The following LRTM1 variants were observed in gnomAD, a reference collection of about 807,000 sequenced individuals.
LRTM1 encodes the protein leucine rich repeat transmembrane protein 1.
In LRTM1, 38 loss-of-function variants were observed where a neutral mutation model predicts 32.4. That is an observed-to-expected ratio of 1.17 (90% CI 0.91 to 1.54). The LOEUF (loss-of-function observed/expected upper bound fraction) is 1.54, where lower values mean the gene tolerates loss of function less well. Ranked by LOEUF, LRTM1 falls within the 40% of genes most tolerant of loss-of-function variation. The pLI is 0.00. For synonymous variants in LRTM1, 186 were observed against 169.9 expected, an observed-to-expected ratio of 1.09 and a Z score of -0.74; for missense variants, 466 against 415.4, an observed-to-expected ratio of 1.12 and a Z score of -1.06.
intron 1 of LRTM1, among the ~76,000 whole-genome samples, chr3:54,937,795 G>T (rs1701367715): frequency 1.3e-5 from 2 of 152,100 alleles, no homozygotes; most frequent in African/African-American, 2.4e-5. Context: ...AGATGGCACA[G>T]CATCTTAGGG....
At chr3:54,924,594 G>T in intron 2 of LRTM1, 25 bp downstream of exon 2, 1 of 1,552,088 alleles carries the variant, frequency 6.4e-7, no homozygotes, top group African/African-American at 1.4e-5. Context: ...ACACAGATGG[G>T]GGGTTCCAAA....
chr3:54,919,663 C>G (rs990117771), intron 2 of LRTM1, among the ~76,000 whole-genome samples: 1 of 152,186 alleles, frequency 6.6e-6, no homozygotes, highest in African/African-American at 2.4e-5. Flanking sequence ...AGACTGAAGT[C>G]TAGTCTAGTG....
chr3:54,964,040 C>T (rs1373533866), intron 1 of LRTM1, among the ~76,000 whole-genome samples: 2 of 152,166 alleles, frequency 1.3e-5, no homozygotes, highest in Non-Finnish European at 2.9e-5. Context: ...GAATATTTCA[C>T]ATGAAAGGAT....
intron 1 of LRTM1, among the ~76,000 whole-genome samples, chr3:54,955,099 G>A (rs1388162846): frequency 2.0e-5 from 3 of 152,112 alleles, no homozygotes; most frequent in Admixed American, 6.6e-5. Context: ...AAAATTATTC[G>A]AACGTACGTA....
chr3:54,929,482 C>A (rs1410959497), upstream of LRTM1, among the ~76,000 whole-genome samples: 1 of 152,272 alleles, frequency 6.6e-6, no homozygotes, highest in South Asian at 2.1e-4. Context: ...TTGAAAACAT[C>A]AAATTTTGAT....
chr3:54,934,517 C>T (rs1701281961), intron 1 of LRTM1, among the ~76,000 whole-genome samples: 1 of 152,104 alleles, frequency 6.6e-6, no homozygotes, highest in Admixed American at 6.5e-5. Flanking sequence ...TTTAGCAGGC[C>T]TTGAGTTGCC....
intron 1 of LRTM1, among the ~76,000 whole-genome samples, chr3:54,946,247 C>T (rs1047636309): frequency 2.6e-5 from 4 of 152,260 alleles, no homozygotes; most frequent in Middle Eastern, 3.4e-3. Context: ...GGTTAAAAAC[C>T]ATTTCTCCCC....
chr3:54,942,456 T>C (rs557389623), intron 1 of LRTM1, among the ~76,000 whole-genome samples: 8 of 152,350 alleles, frequency 5.3e-5, no homozygotes, highest in Non-Finnish European at 1.2e-4. Flanking sequence ...GGCCTGAATC[T>C]TGAGGCTGGG....
chr3:54,964,758 T>C (rs1403046439), intron 1 of LRTM1, among the ~76,000 whole-genome samples: 2 of 152,166 alleles, frequency 1.3e-5, no homozygotes, highest in Non-Finnish European at 2.9e-5. Context: ...GAGTTGGCCA[T>C]AGGATTCCCT....
chr3:54,937,675 T>C (rs1701364545), intron 1 of LRTM1, among the ~76,000 whole-genome samples: 1 of 152,180 alleles, frequency 6.6e-6, no homozygotes, highest in Middle Eastern at 3.4e-3. Context: ...CAATGGATGT[T>C]ATAGCCAGGC....
chr3:54,961,761 G>T (rs191251703), intron 1 of LRTM1, among the ~76,000 whole-genome samples: 3 of 152,258 alleles, frequency 2.0e-5, no homozygotes, highest in Admixed American at 1.3e-4. Context: ...ATGCATGAAT[G>T]ATCACAATTC....
rs576535979 is a variant in LRTM1 at position 54,955,315 on chromosome 3, T to G, written c.-222+11613A>C. On this transcript the variant is annotated intron_variant, in intron 1 of 2. Transcript: ENST00000493075. ...AGATAATGTCCCGCAGGTAATCTCT[T>G]GAAGCTACTCTCAGAAGAACAGATG... Among the ~76,000 whole-genome samples, 26 of 152,250 alleles carry G rather than the reference T, an allele frequency of 1.7e-4. No homozygotes were observed. In the East Asian group the frequency reaches 5.0e-3, roughly 29 times the overall value.
At chr3:54,930,584 C>T (rs567368331), upstream of LRTM1, among the ~76,000 whole-genome samples, 2 of 152,172 alleles carry the variant, frequency 1.3e-5, no homozygotes, top group South Asian at 4.1e-4. Context: ...TGGCAGAGAA[C>T]CAAAGGCAGT....
At chr3:54,964,771 A>G (rs1324421686) in intron 1 of LRTM1, among the ~76,000 whole-genome samples, 1 of 151,884 alleles carries the variant, frequency 6.6e-6, no homozygotes, top group African/African-American at 2.4e-5. Context: ...GATTCCCTTA[A>G]GCATTTTTGT....
At chr3:54,935,391 A>G (rs1332786040) in intron 1 of LRTM1, among the ~76,000 whole-genome samples, 1 of 152,236 alleles carries the variant, frequency 6.6e-6, no homozygotes, top group Non-Finnish European at 1.5e-5. Context: ...AAGTATGATT[A>G]AAGGTAATTA....
At chr3:54,943,358 C>T (rs925258686) in intron 1 of LRTM1, among the ~76,000 whole-genome samples, 5 of 152,098 alleles carry the variant, frequency 3.3e-5, no homozygotes, top group African/African-American at 7.2e-5. Context: ...TTAAGATTGC[C>T]GTTTTTTAGT....
chr3:54,921,073 A>C (rs1460676519), intron 2 of LRTM1, among the ~76,000 whole-genome samples: 5 of 152,198 alleles, frequency 3.3e-5, no homozygotes, highest in Non-Finnish European at 7.3e-5. Flanking sequence ...CCCTCGTCAA[A>C]TCTGCTGATT....
chr3:54,946,730 C>T (rs983264657), intron 1 of LRTM1, among the ~76,000 whole-genome samples: 1 of 151,574 alleles, frequency 6.6e-6, no homozygotes, highest in Non-Finnish European at 1.5e-5. Flanking sequence ...CCACTGGATG[C>T]AAAGAATCCA....
At chr3:54,961,946 A>G (rs532781630) in intron 1 of LRTM1, among the ~76,000 whole-genome samples, 4 of 152,266 alleles carry the variant, frequency 2.6e-5, no homozygotes, top group African/African-American at 9.6e-5. Context: ...GGGGCTCTGC[A>G]GAGTCCCAGG....
Sources: allele counts gnomAD v4.1 joint callset (sites outside exome capture counted in the v4.1 genomes callset), GRCh38; gene constraint gnomAD v4.1.1; transcripts MANE v1.5; gene names NCBI Gene and HGNC (gene_info 2026-07-23, HGNC 2026-07-21).